Variants in TUBA4B observed in about 807,000 individuals in gnomAD.
TUBA4B encodes tubulin-like protein alpha-4B.
In TUBA4B, 13 loss-of-function variants were observed where a neutral mutation model predicts 18.4. The observed-to-expected ratio is 0.71, with a 90% CI of 0.46 to 1.12. The LOEUF is 1.12. TUBA4B is among the 50% of genes most tolerant of loss of function. TUBA4B has a pLI of 0.00. For missense variants in TUBA4B, 244 were observed against 250.0 expected (o/e 0.98, Z 0.16); for synonymous variants, 101 against 99.1 (o/e 1.02, Z -0.11).
intron 1 of TUBA4B, among the ~76,000 whole-genome samples, chr2:219,256,612 T>G (rs1405654714): frequency 2.0e-5 from 3 of 152,212 alleles, no homozygotes; most frequent in Non-Finnish European, 4.4e-5. Context: ...GATAGGGAGA[T>G]GATCCTGGAT....
rs775273196 is a variant in TUBA4B, at chr2:219,271,451, C to T, written c.478C>T (p.Arg160Cys). The T allele has an allele frequency of 1.8e-5, 29 of 1,614,002 alleles. No homozygotes were observed. In the Middle Eastern group the frequency reaches 9.9e-4, roughly 55 times the overall value. The change falls in exon 4 of 4, where the codon CGC (arginine) becomes TGC (cysteine). Residue 160 changes from arginine (R) to cysteine (C), a missense_variant. Transcript: ENST00000490341. ...CTGCCACTGCAACCTAGACATCGAG[C>T]GCCCAACCTACACCAACCTCAATCG... ...DICHCNLDIERPTYTNLNRLI... is the reference protein window; with the variant it reads ...DICHCNLDIECPTYTNLNRLI...
chr2:219,258,465 T>A (rs1951737754), intron 1 of TUBA4B, among the ~76,000 whole-genome samples: 1 of 150,538 alleles, frequency 6.6e-6, no homozygotes, highest in Admixed American at 6.6e-5. Flanking sequence ...GGACTACAGG[T>A]GTGCACCACC....
chr2:219,271,031 T>A, intron 3 of TUBA4B, 135 bp from the exon 4 acceptor site: 1 of 602,508 alleles, frequency 1.7e-6, no homozygotes, highest in Non-Finnish European at 2.9e-6. Flanking sequence ...TCTATGAGGA[T>A]CTCTTTTGTG....
chr2:219,270,236 C>T lies in TUBA4B; in HGVS notation c.93C>T (p.Leu31=), dbSNP rs765223897. Residue 31 remains leucine (L), a synonymous_variant, in exon 3 of 4, where the codon CTC becomes CTT. Transcript: ENST00000490341. ...GCCAGATCTTCCATCCAGAGCAGCT[C>T]ATCACAGGCAAGGAAGATGCTGCCA... ...TYRQIFHPEQ[L]ITGKEDAANN... 3 of 767,884 alleles carry T rather than the reference C, an allele frequency of 3.9e-6. No homozygotes were observed. Among genetic ancestry groups the T allele is most frequent in the South Asian group, 1.4e-5 (1 of 73,084 alleles). 47.6% of individuals were successfully genotyped at this position (767,884 alleles called of 1,614,324 possible). A position where few individuals can be genotyped will look rare whatever the true frequency, so the allele number is the denominator to read the frequency against.
chr2:219,260,924 G>A (rs558660485), intron 1 of TUBA4B, among the ~76,000 whole-genome samples: 3 of 152,012 alleles, frequency 2.0e-5, no homozygotes, highest in South Asian at 2.1e-4. Flanking sequence ...AGCCAAGATC[G>A]CACCATCGCA....
chr2:219,259,124 TAATAAATAAATAAATAAATAAATA>T (rs58291199), intron 1 of TUBA4B, among the ~76,000 whole-genome samples: 1 of 134,396 alleles, frequency 7.4e-6, no homozygotes, highest in Admixed American at 7.7e-5. Flanking sequence ...CTACTAAAAA[TAATAAATAAATAAATAAATAAATA>T]AATAAATAAA....
rs1951824461 is a variant in TUBA4B at position 219,271,410 on chromosome 2, A to G, written c.437A>G (p.Lys146Arg). The change falls in exon 4 of 4, where the codon AAA becomes AGA. Residue 146 changes from lysine (K) to arginine (R), a missense_variant. Lys to Arg is a conservative substitution (Grantham distance 26). Coordinates refer to ENST00000490341, the MANE Select transcript of TUBA4B (RefSeq NM_001355221.1). The stretch of plus-strand genomic sequence containing the variant: ...GACTGTGCCTTCATGGTGGACAACA[A>G]AGCAATCTATGACATCTGCCACTGC... ...HSDCAFMVDNKAIYDICHCNL... is the reference protein window; with the variant it reads ...HSDCAFMVDNRAIYDICHCNL... 2 of 1,614,032 alleles carry G rather than the reference A, an allele frequency of 1.2e-6. No individual in the cohort carries two copies. The highest frequency in any genetic ancestry group is 2.7e-5 in the African/African-American group (2 of 75,004).
At chr2:219,259,014 G>C (rs1050721641) in intron 1 of TUBA4B, among the ~76,000 whole-genome samples, 1 of 152,104 alleles carries the variant, frequency 6.6e-6, no homozygotes, top group South Asian at 2.1e-4. Context: ...GGGAGCAGTG[G>C]CTCCCTCCTG....
chr2:219,266,398 C>T, intron 1 of TUBA4B, 123 bp from the exon 2 acceptor site: 1 of 618,516 alleles, frequency 1.6e-6, no homozygotes, highest in Non-Finnish European at 2.9e-6. Flanking sequence ...GTCAACAGGC[C>T]CTGCCCTCCC....
chr2:219,271,746 C>A lies in TUBA4B; in HGVS notation c.*47C>A. The A allele has an allele frequency of 6.2e-7, 1 of 1,611,538 alleles. No homozygotes were observed. Among genetic ancestry groups the A allele is most frequent in the East Asian group, 2.2e-5 (1 of 44,886 alleles). The stretch of plus-strand genomic sequence containing the variant: ...AGTACATGGCCTGCTGCCTGCTATA[C>A]CATGGAGATGTGGTGCCCAAGGATG... On this transcript the variant is annotated 3_prime_UTR_variant, in exon 4 of 4. Coordinates refer to ENST00000490341, the MANE Select transcript of TUBA4B (RefSeq NM_001355221.1).
At position 219,266,577 on chromosome 2, in the gene TUBA4B, G is replaced by A. The variant is rs1211935235; in HGVS notation, c.58+11G>A. 3 of 702,820 alleles carry A rather than the reference G, an allele frequency of 4.3e-6. No individual in the cohort carries two copies. The highest frequency in any genetic ancestry group is 1.7e-5 in the African/African-American group (1 of 57,268). 43.5% of individuals were successfully genotyped at this position (702,820 alleles called of 1,614,324 possible). A position where few individuals can be genotyped will look rare whatever the true frequency, so the allele number is the denominator to read the frequency against. On this transcript the variant is annotated intron_variant, in intron 2 of 3. Transcript: ENST00000490341. ...TGTCCAGGCAGCATGGTGAGTAGAA[G>A]GGGCCTTGGGGGGACTGAGCATGCA...
chr2:219,270,134 T>C, intron 2 of TUBA4B, 68 bp from the exon 3 acceptor site: 1 of 681,618 alleles, frequency 1.5e-6, no homozygotes, highest in Non-Finnish European at 2.7e-6. Context: ...CCCCTGGGGC[T>C]CCAGCAGCTG....
At chr2:219,268,229 C>T (rs1951803056) in intron 2 of TUBA4B, among the ~76,000 whole-genome samples, 1 of 151,850 alleles carries the variant, frequency 6.6e-6, no homozygotes, top group Admixed American at 6.6e-5. Context: ...CTGCCTCAGC[C>T]TCCCGAGTAG....
chr2:219,269,812 C>T (rs78160382), intron 2 of TUBA4B, among the ~76,000 whole-genome samples: 4,076 of 152,132 alleles, frequency 0.027, 184 homozygotes, highest in African/African-American at 0.093. Context: ...AACATGTGCC[C>T]CAGGCGGTGT....
chr2:219,267,047 T>C (rs1951794535), intron 2 of TUBA4B, among the ~76,000 whole-genome samples: 1 of 152,172 alleles, frequency 6.6e-6, no homozygotes, highest in East Asian at 1.9e-4. Flanking sequence ...GCTGTGCCTT[T>C]GTCTGACCTC....
intron 2 of TUBA4B, among the ~76,000 whole-genome samples, chr2:219,269,791 T>G (rs1458677469): frequency 6.6e-6 from 1 of 152,010 alleles, no homozygotes; most frequent in Non-Finnish European, 1.5e-5. Flanking sequence ...TTAGTGAAAC[T>G]GGGGCTGGGA....
At chr2:219,266,775 G>T (rs1390075068) in intron 2 of TUBA4B, among the ~76,000 whole-genome samples, 1 of 152,160 alleles carries the variant, frequency 6.6e-6, no homozygotes, top group East Asian at 1.9e-4. Flanking sequence ...GGGAAGGAAA[G>T]TTTAATGGTA....
chr2:219,260,943 T>A (rs895040398), intron 1 of TUBA4B, among the ~76,000 whole-genome samples: 23 of 152,038 alleles, frequency 1.5e-4, no homozygotes, highest in African/African-American at 5.6e-4. Flanking sequence ...CACTCCAGCC[T>A]GGGGGACAAG....
intron 1 of TUBA4B, 132 bp from the exon 2 acceptor site, chr2:219,266,384 CCAAGT>C: frequency 3.3e-6 from 2 of 608,396 alleles, no homozygotes; most frequent in Non-Finnish European, 5.9e-6. Flanking sequence ...TACTCTGTGA[CCAAGT>C]CAACAGGCCC....
Sources: allele counts gnomAD v4.1 joint callset (sites outside exome capture counted in the v4.1 genomes callset), GRCh38; gene constraint gnomAD v4.1.1; transcripts MANE v1.5; gene names NCBI Gene and HGNC (gene_info 2026-07-23, HGNC 2026-07-21).